The following ARHGAP15 variants were observed in gnomAD, a reference collection of about 807,000 sequenced individuals.
ARHGAP15 encodes the protein rho GTPase-activating protein 15.
Under a neutral mutation model 63.7 loss-of-function variants are expected in ARHGAP15, and 51 were observed. That is an observed-to-expected ratio of 0.80 (90% CI 0.64 to 1.01). The LOEUF is 1.01. Among genes scored for constraint, ARHGAP15 ranks in the 50% least tolerant of loss-of-function variants. ARHGAP15 has a pLI of 0.00. For missense variants in ARHGAP15, 560 were observed against 564.6 expected (o/e 0.99, Z 0.08); for synonymous variants, 191 against 193.8 (o/e 0.99, Z 0.12).
intron 12 of ARHGAP15, among the ~76,000 whole-genome samples, chr2:143,686,079 T>A (rs947496228): frequency 2.6e-5 from 4 of 152,130 alleles, no homozygotes; most frequent in Admixed American, 2.6e-4. Context: ...AATAATTTTA[T>A]TCTCTTTACA....
intron 13 of ARHGAP15, among the ~76,000 whole-genome samples, chr2:143,736,394 CAAA>C (rs112035181): frequency 2.6e-5 from 3 of 114,856 alleles, no homozygotes. Context: ...GAAACTCTGT[CAAA>C]AAAAAAAAAA....
intron 6 of ARHGAP15, among the ~76,000 whole-genome samples, chr2:143,251,044 C>G (rs1414783971): frequency 6.6e-6 from 1 of 151,748 alleles, no homozygotes. Context: ...GAGGGCTGAA[C>G]AGCTATAAAA....
At chr2:143,439,608 A>C (rs1417786510) in intron 8 of ARHGAP15, among the ~76,000 whole-genome samples, 4 of 151,678 alleles carry the variant, frequency 2.6e-5, no homozygotes, top group African/African-American at 9.7e-5. Context: ...ATAGCAATAC[A>C]TTTAATCCTC....
chr2:143,680,148 A>G (rs1163556196), intron 12 of ARHGAP15, among the ~76,000 whole-genome samples: 3 of 152,318 alleles, frequency 2.0e-5, no homozygotes, highest in African/African-American at 7.2e-5. Flanking sequence ...ACTTTCCATA[A>G]ATTATTGCAA....
chr2:143,502,898 T>G (rs1421751675), intron 9 of ARHGAP15, among the ~76,000 whole-genome samples: 1 of 152,206 alleles, frequency 6.6e-6, no homozygotes, highest in African/African-American at 2.4e-5. Context: ...GGATTCTTTC[T>G]GGCCTCCCAG....
At chr2:143,502,160 G>A (rs1693092284) in intron 9 of ARHGAP15, among the ~76,000 whole-genome samples, 3 of 152,152 alleles carry the variant, frequency 2.0e-5, no homozygotes, top group Admixed American at 1.3e-4. Context: ...AGTAATCCCA[G>A]CATTTTGGGA....
intron 4 of ARHGAP15, among the ~76,000 whole-genome samples, chr2:143,227,286 C>A (rs1186440719): frequency 6.6e-6 from 1 of 152,116 alleles, no homozygotes; most frequent in Non-Finnish European, 1.5e-5. Flanking sequence ...GATTTTACCA[C>A]TTGATTTAAC....
chr2:143,371,342 ATCT>A, intron 6 of ARHGAP15, among the ~76,000 whole-genome samples: 1 of 152,304 alleles, frequency 6.6e-6, no homozygotes, highest in East Asian at 1.9e-4. Flanking sequence ...TGATGAGGAC[ATCT>A]TCTCTAACAA....
At chr2:143,288,021 C>A (rs79815672) in intron 6 of ARHGAP15, among the ~76,000 whole-genome samples, 3,384 of 152,268 alleles carry the variant, frequency 0.022, 55 homozygotes, top group Non-Finnish European at 0.037. Flanking sequence ...TCCTGGTATT[C>A]CCTGATGGTT....
chr2:143,248,255 C>A (rs745440144), intron 5 of ARHGAP15, among the ~76,000 whole-genome samples: 1 of 152,044 alleles, frequency 6.6e-6, no homozygotes, highest in African/African-American at 2.4e-5. Context: ...TAACTGGGAA[C>A]TGAAGGATAA....
intron 11 of ARHGAP15, among the ~76,000 whole-genome samples, chr2:143,613,015 G>C (rs943385765): frequency 6.6e-6 from 1 of 152,144 alleles, no homozygotes; most frequent in Non-Finnish European, 1.5e-5. Context: ...ATCTCCTTTT[G>C]AGATGTCAGT....
At chr2:143,530,405 G>A (rs1219084804) in intron 10 of ARHGAP15, among the ~76,000 whole-genome samples, 1 of 151,986 alleles carries the variant, frequency 6.6e-6, no homozygotes, top group East Asian at 1.9e-4. Flanking sequence ...TTTTTAATAG[G>A]GAGAAACCAG....
intron 13 of ARHGAP15, among the ~76,000 whole-genome samples, chr2:143,710,073 C>G (rs746774402): frequency 3.3e-5 from 5 of 152,192 alleles, no homozygotes; most frequent in Non-Finnish European, 5.9e-5. Context: ...ACCACAATAC[C>G]TGATATCCAA....
At chr2:143,295,456 G>A (rs974506893) in intron 6 of ARHGAP15, 1 of 151,982 alleles carries the variant, frequency 6.6e-6, no homozygotes, top group African/African-American at 2.4e-5. Flanking sequence ...TGGTAGGAAA[G>A]AACAGTCAAG....
chr2:143,658,154 C>T (rs1039974308), intron 12 of ARHGAP15, among the ~76,000 whole-genome samples: 1 of 152,120 alleles, frequency 6.6e-6, no homozygotes, highest in African/African-American at 2.4e-5. Context: ...TGTTCTCTGG[C>T]CATTAAAATG....
chr2:143,413,912 A>G (rs1574413380), intron 6 of ARHGAP15, among the ~76,000 whole-genome samples: 1 of 145,014 alleles, frequency 6.9e-6, no homozygotes, highest in African/African-American at 2.6e-5. Flanking sequence ...AGTGCCCTAG[A>G]TGGAAGGTAG....
chr2:143,558,050 A>C (rs907623189), intron 11 of ARHGAP15, among the ~76,000 whole-genome samples: 7 of 152,124 alleles, frequency 4.6e-5, no homozygotes, highest in African/African-American at 1.7e-4. Context: ...GGAATGTGAC[A>C]GACTCATGTT....
At chr2:143,710,975 T>C (rs553285680) in intron 13 of ARHGAP15, among the ~76,000 whole-genome samples, 29 of 152,348 alleles carry the variant, frequency 1.9e-4, no homozygotes, top group Admixed American at 3.9e-4. Flanking sequence ...AATGAGTGCC[T>C]GCTATATTCC....
chr2:143,742,375 TGTGGAAGACC>T (rs2105509478), intron 13 of ARHGAP15, among the ~76,000 whole-genome samples: 1 of 152,330 alleles, frequency 6.6e-6, no homozygotes, highest in African/African-American at 2.4e-5. Context: ...AGGTCATTTT[TGTGGAAGACC>T]GTGCAACGCC....
Sources: gnomAD v4.1 joint callset for allele counts (sites outside exome capture counted in the v4.1 genomes callset) on GRCh38, gnomAD v4.1.1 for gene constraint, MANE v1.5 for transcripts, NCBI Gene and HGNC (gene_info 2026-07-23, HGNC 2026-07-21) for gene names.